Variants in GFRAL observed in about 807,000 individuals in gnomAD.
GFRAL encodes GDNF family receptor alpha like, also known as GDNF family receptor alpha-like.
In GFRAL, 36 loss-of-function variants were observed where a neutral mutation model predicts 45.4. The ratio of observed to expected loss-of-function variants is 0.79; its 90% CI spans 0.61 to 1.05. GFRAL has a LOEUF of 1.05. GFRAL is among the 50% of genes least tolerant of loss of function. GFRAL has a pLI of 0.00. For synonymous variants in GFRAL, 166 were observed against 154.1 expected (o/e 1.08, Z -0.57); for missense variants, 507 against 467.5 (o/e 1.08, Z -0.78).
At chr6:55,342,918 AAGAGAG>A (rs1436790111) in intron 3 of GFRAL, among the ~76,000 whole-genome samples, 1 of 152,184 alleles carries the variant, frequency 6.6e-6, no homozygotes, top group Non-Finnish European at 1.5e-5. Flanking sequence ...CAAAGATCAA[AAGAGAG>A]AAAGAAGGCC....
At chr6:55,388,551 C>T (rs1768708310) in intron 6 of GFRAL, among the ~76,000 whole-genome samples, 1 of 152,192 alleles carries the variant, frequency 6.6e-6, no homozygotes, top group Non-Finnish European at 1.5e-5. Context: ...GTAGCTATTA[C>T]ATTGAAAATG....
At chr6:55,382,439 T>A (rs1464629067) in intron 6 of GFRAL, among the ~76,000 whole-genome samples, 3 of 151,898 alleles carry the variant, frequency 2.0e-5, no homozygotes, top group Non-Finnish European at 4.4e-5. Flanking sequence ...AACTTTTAGG[T>A]TTTATGCTAT....
intron 6 of GFRAL, among the ~76,000 whole-genome samples, chr6:55,377,354 A>T (rs1477403727): frequency 6.6e-6 from 1 of 152,016 alleles, no homozygotes; most frequent in Non-Finnish European, 1.5e-5. Flanking sequence ...CCAAAACAAT[A>T]GTTAATTTCT....
At chr6:55,378,548 A>G (rs1581755753) in intron 6 of GFRAL, among the ~76,000 whole-genome samples, 2 of 151,934 alleles carry the variant, frequency 1.3e-5, no homozygotes, top group East Asian at 1.9e-4. Context: ...CTGCAAAACT[A>G]TGGTCATGGA....
intron 6 of GFRAL, among the ~76,000 whole-genome samples, chr6:55,377,581 A>G (rs1044418314): frequency 6.6e-6 from 1 of 151,988 alleles, no homozygotes; most frequent in Admixed American, 6.6e-5. Context: ...TGCATTCCAC[A>G]TGTACTTCTG....
At chr6:55,337,350 A>T (rs1022231540) in intron 3 of GFRAL, among the ~76,000 whole-genome samples, 6 of 151,792 alleles carry the variant, frequency 4.0e-5, no homozygotes, top group African/African-American at 1.4e-4. Flanking sequence ...TATGTTCATA[A>T]AGTATATTGG....
In GFRAL at chr6:55,351,433, A is replaced by G. The variant is rs116829590; in HGVS notation, c.551A>G (p.Gln184Arg). 5.9e-4 allele frequency: 944 copies of G among 1,613,670 alleles called. No homozygotes were observed. Among genetic ancestry groups the G allele is most frequent in the Admixed American group, 1.3e-3 (76 of 59,908 alleles). Residue 184 changes from glutamine (Q) to arginine (R), a missense_variant, in exon 5 of 9, where the codon CAG (glutamine) becomes CGG (arginine). Transcript: ENST00000340465. Reference sequence around the variant, plus strand: ...CAAAATATACCTTTTAACATTGCCCAGATGTTGGCTTTTTGTGACTGTGCT... The same window carrying G: ...CAAAATATACCTTTTAACATTGCCCGGATGTTGGCTTTTTGTGACTGTGCT... Reference protein sequence around the residue: ...FYQNIPFNIAQMLAFCDCAQS... With the variant: ...FYQNIPFNIARMLAFCDCAQS...
At chr6:55,358,704 A>G (rs1768229149) in intron 5 of GFRAL, among the ~76,000 whole-genome samples, 184 bp from the exon 6 acceptor site, 1 of 152,024 alleles carries the variant, frequency 6.6e-6, no homozygotes, top group Non-Finnish European at 1.5e-5. Flanking sequence ...AATTCACAAT[A>G]TTACTCTACA....
chr6:55,343,815 A>G (rs1047878621), intron 3 of GFRAL, among the ~76,000 whole-genome samples: 2 of 152,204 alleles, frequency 1.3e-5, no homozygotes, highest in African/African-American at 4.8e-5. Context: ...AGAAGAATCA[A>G]ATAGAAGCAA....
chr6:55,330,460 G>T (rs996676692), intron 1 of GFRAL, among the ~76,000 whole-genome samples: 1 of 152,234 alleles, frequency 6.6e-6, no homozygotes, highest in African/African-American at 2.4e-5. Context: ...GATGGAAGAT[G>T]TCAAATTCAA....
chr6:55,368,556 T>C (rs1462742754), intron 6 of GFRAL, among the ~76,000 whole-genome samples: 1 of 152,040 alleles, frequency 6.6e-6, no homozygotes, highest in Non-Finnish European at 1.5e-5. Context: ...CTCTGTTTTT[T>C]CCCCATCTTT....
chr6:55,362,683 G>A (rs1461413473), intron 6 of GFRAL, among the ~76,000 whole-genome samples: 5 of 152,022 alleles, frequency 3.3e-5, no homozygotes, highest in African/African-American at 7.2e-5. Flanking sequence ...CCATTATACC[G>A]AAGGAGTGAG....
chr6:55,380,034 TC>T, intron 6 of GFRAL, among the ~76,000 whole-genome samples: 1 of 151,994 alleles, frequency 6.6e-6, no homozygotes, highest in Non-Finnish European at 1.5e-5. Context: ...TATCACATTT[TC>T]TTAGGTTGAT....
chr6:55,396,257 T>G (rs1339998762), intron 6 of GFRAL, among the ~76,000 whole-genome samples: 1 of 152,238 alleles, frequency 6.6e-6, no homozygotes, highest in Non-Finnish European at 1.5e-5. Context: ...TTTCTGTCAC[T>G]GATCTATTAT....
In GFRAL at chr6:55,358,946, G is replaced by C. The variant is rs745413221; in HGVS notation, c.760G>C (p.Glu254Gln). ...GCAGCGTGTGACTAGAAAGTGCCAT[G>C]AAGATGAGAATTGCATTAGCACCTT... is the stretch of plus-strand genomic sequence containing the variant. ...CWQRVTRKCH[E>Q]DENCISTLSK... Residue 254 changes from glutamate (E) to glutamine (Q), a missense_variant, in exon 6 of 9, where the codon GAA (glutamate) becomes CAA (glutamine). By Grantham distance (29) the Glu-to-Gln change is conservative. Coordinates refer to ENST00000340465, the MANE Select transcript of GFRAL (RefSeq NM_207410.2). The C allele has an allele frequency of 6.2e-7, 1 of 1,612,940 alleles. No homozygotes were observed. Among genetic ancestry groups the C allele is most frequent in the Admixed American group, 1.7e-5 (1 of 59,828 alleles).
chr6:55,360,146 C>G (rs950778009), intron 6 of GFRAL, among the ~76,000 whole-genome samples: 2 of 151,948 alleles, frequency 1.3e-5, no homozygotes, highest in Admixed American at 6.6e-5. Context: ...TTTCATGAGT[C>G]TTAAGGAAAC....
intron 5 of GFRAL, among the ~76,000 whole-genome samples, chr6:55,352,410 T>C (rs1768130108): frequency 6.6e-6 from 1 of 152,092 alleles, no homozygotes; most frequent in South Asian, 2.1e-4. Flanking sequence ...ATCTGGGCTG[T>C]CCATTGATCT....
intron 3 of GFRAL, among the ~76,000 whole-genome samples, chr6:55,349,757 C>T (rs564770951): frequency 2.1e-4 from 28 of 134,476 alleles, no homozygotes; most frequent in Admixed American, 1.7e-3. Context: ...AGAAAATATT[C>T]CTTCTGTTTT....
intron 5 of GFRAL, among the ~76,000 whole-genome samples, chr6:55,353,384 T>G (rs970341037): frequency 6.6e-6 from 1 of 152,056 alleles, no homozygotes; most frequent in Non-Finnish European, 1.5e-5. Context: ...TTGTAAACAT[T>G]TGTTAAAAAG....
Sources: gnomAD v4.1 joint callset for allele counts (sites outside exome capture counted in the v4.1 genomes callset) on GRCh38, gnomAD v4.1.1 for gene constraint, MANE v1.5 for transcripts, NCBI Gene and HGNC (gene_info 2026-07-23, HGNC 2026-07-21) for gene names.